KSR2: variants seen among roughly 807,000 people sequenced by gnomAD.
The protein encoded by KSR2 is kinase suppressor of ras 2.
A neutral mutation model predicts 107.8 loss-of-function variants in KSR2; 25 were observed. The ratio of observed to expected loss-of-function variants is 0.23; its 90% CI spans 0.17 to 0.32. The LOEUF is 0.32. KSR2 is among the 10% of genes least tolerant of loss of function. The pLI, the probability that KSR2 is intolerant of heterozygous loss-of-function variation, is 1.00. For synonymous variants in KSR2, 480 were observed against 507.0 expected (o/e 0.95, Z 0.71); for missense variants, 887 against 1,268.9 (o/e 0.70, Z 4.57).
At chr12:117,692,515 C>T (rs1387571341) in intron 4 of KSR2, among the ~76,000 whole-genome samples, 1 of 114,114 alleles carries the variant, frequency 8.8e-6, no homozygotes, top group African/African-American at 3.0e-5. Flanking sequence ...TACACACACA[C>T]ATATATATAC....
chr12:117,719,843 A>C (rs1887137245), intron 4 of KSR2, among the ~76,000 whole-genome samples: 1 of 152,240 alleles, frequency 6.6e-6, no homozygotes, highest in South Asian at 2.1e-4. Flanking sequence ...GTATGACTAT[A>C]TGAACAGAGT....
chr12:117,595,282 G>A (rs1360457508), intron 5 of KSR2, among the ~76,000 whole-genome samples: 1 of 150,656 alleles, frequency 6.6e-6, no homozygotes, highest in East Asian at 1.9e-4. Context: ...ATTCTCCTGG[G>A]TATAAACAAA....
At chr12:117,770,990 A>AAAC (rs1210445064) in intron 3 of KSR2, among the ~76,000 whole-genome samples, 3 of 151,948 alleles carry the variant, frequency 2.0e-5, no homozygotes, top group African/African-American at 7.2e-5. Context: ...AAAAAAAAAA[A>AAAC]AAAAAAGACA....
chr12:117,489,287 T>G (rs1217985956), intron 14 of KSR2, among the ~76,000 whole-genome samples: 1 of 152,076 alleles, frequency 6.6e-6, no homozygotes, highest in African/African-American at 2.4e-5. Flanking sequence ...GGCTGTTCTT[T>G]TATGATCTGG....
intron 1 of KSR2, among the ~76,000 whole-genome samples, chr12:117,919,761 C>A (rs1225535435): frequency 6.6e-6 from 1 of 152,220 alleles, no homozygotes; most frequent in Non-Finnish European, 1.5e-5. Flanking sequence ...CTCCCCATCG[C>A]CTTTCTCTGC....
At chr12:117,894,316 G>A (rs1339187463) in intron 1 of KSR2, among the ~76,000 whole-genome samples, 2 of 152,090 alleles carry the variant, frequency 1.3e-5, no homozygotes, top group Admixed American at 1.3e-4. Context: ...GTAAAATGTC[G>A]ATATTTTGTT....
At chr12:117,921,245 C>A (rs1895334330) in intron 1 of KSR2, among the ~76,000 whole-genome samples, 1 of 152,154 alleles carries the variant, frequency 6.6e-6, no homozygotes, top group South Asian at 2.1e-4. Flanking sequence ...GCCTCCATGG[C>A]AGGCACATTA....
At chr12:117,537,097 C>T (rs1171091151) in intron 10 of KSR2, among the ~76,000 whole-genome samples, 1 of 152,180 alleles carries the variant, frequency 6.6e-6, no homozygotes, top group African/African-American at 2.4e-5. Flanking sequence ...CCTGCAGTCC[C>T]AGCTACTCAG....
intron 4 of KSR2, among the ~76,000 whole-genome samples, chr12:117,702,032 C>T (rs1448755932): frequency 1.3e-5 from 2 of 152,228 alleles, no homozygotes; most frequent in African/African-American, 4.8e-5. Flanking sequence ...TTCCCACTTG[C>T]TCTTTCTCCT....
chr12:117,738,365 C>T (rs1888025240), intron 4 of KSR2, among the ~76,000 whole-genome samples: 1 of 152,198 alleles, frequency 6.6e-6, no homozygotes, highest in African/African-American at 2.4e-5. Flanking sequence ...GATTTCATTG[C>T]TGTGCAAAAC....
At chr12:117,767,938 G>A (rs544679192) in intron 3 of KSR2, among the ~76,000 whole-genome samples, 27 of 152,184 alleles carry the variant, frequency 1.8e-4, no homozygotes, top group Admixed American at 1.3e-3. Flanking sequence ...AGAGGGAGGT[G>A]GTCTCCTCCA....
chr12:117,778,369 G>A lies in KSR2; in HGVS notation c.473-16845C>T, dbSNP rs199794916. ...GCCTCTCATAGTGCTGGGATTACAG[G>A]AGTGAGCTACTGCACCCGGCCGAAA... On this transcript the variant is annotated intron_variant, in intron 3 of 19. Coordinates refer to ENST00000339824, the MANE Select transcript of KSR2 (RefSeq NM_173598.6). Among the ~76,000 whole-genome samples the A allele has an allele frequency of 2.6e-4, 40 of 152,286 alleles. No homozygotes were observed. In the East Asian group the frequency reaches 7.0e-3, roughly 27 times the overall value.
intron 5 of KSR2, among the ~76,000 whole-genome samples, chr12:117,608,815 G>A (rs2136311318): frequency 6.6e-6 from 1 of 152,172 alleles, no homozygotes; most frequent in Middle Eastern, 3.4e-3. Flanking sequence ...TGAGGCCTCT[G>A]CAGCAAAACA....
chr12:117,657,409 T>A (rs1884230993), intron 5 of KSR2, among the ~76,000 whole-genome samples: 5 of 152,114 alleles, frequency 3.3e-5, no homozygotes, highest in African/African-American at 9.7e-5. Flanking sequence ...TGTCAATAAA[T>A]TACCTTTATA....
In KSR2 at chr12:117,866,059, C is replaced by A. The variant is rs1030151250; in HGVS notation, c.181-5628G>T. Reference sequence around the variant, plus strand: ...CTCTCTTTTTTTTTTTTTTTTGAAACAAATTCTCACTCTGTCGCCCAGGAT... The same window carrying A: ...CTCTCTTTTTTTTTTTTTTTTGAAAAAAATTCTCACTCTGTCGCCCAGGAT... On this transcript the variant is annotated intron_variant, in intron 1 of 19. Coordinates refer to ENST00000339824, the MANE Select transcript of KSR2 (RefSeq NM_173598.6). Among the ~76,000 whole-genome samples, 611 of 84,216 alleles carry A rather than the reference C, an allele frequency of 7.3e-3. 6 individuals carry two copies. Among genetic ancestry groups the A allele is most frequent in the African/African-American group, 0.046 (552 of 11,958 alleles). 55.2% of individuals were successfully genotyped at this position (84,216 alleles called of 152,430 possible). A position where few individuals can be genotyped will look rare whatever the true frequency, so the allele number is the denominator to read the frequency against.
chr12:117,722,978 G>T (rs892834759), intron 4 of KSR2, among the ~76,000 whole-genome samples: 3 of 152,116 alleles, frequency 2.0e-5, no homozygotes, highest in Non-Finnish European at 4.4e-5. Context: ...AAAGCCTGAG[G>T]GCCAGTGGAT....
At chr12:117,781,933 T>A (rs984117040) in intron 3 of KSR2, among the ~76,000 whole-genome samples, 2 of 152,112 alleles carry the variant, frequency 1.3e-5, no homozygotes, top group Non-Finnish European at 2.9e-5. Flanking sequence ...CCGTTGAAAC[T>A]GATAAAAAAT....
chr12:117,594,123 A>ATATGATGT (rs756037181), intron 5 of KSR2, among the ~76,000 whole-genome samples: 2 of 152,190 alleles, frequency 1.3e-5, no homozygotes, highest in Non-Finnish European at 2.9e-5. Context: ...CCTGATGGAA[A>ATATGATGT]TATGATGTTT....
intron 1 of KSR2, among the ~76,000 whole-genome samples, chr12:117,934,830 A>G (rs182791757): frequency 3.3e-5 from 5 of 151,752 alleles, no homozygotes; most frequent in Non-Finnish European, 5.9e-5. Flanking sequence ...TATATTTTAA[A>G]TTTTTTTCTT....
Sources: gnomAD v4.1 joint callset for allele counts (sites outside exome capture counted in the v4.1 genomes callset) on GRCh38, gnomAD v4.1.1 for gene constraint, MANE v1.5 for transcripts, NCBI Gene and HGNC (gene_info 2026-07-23, HGNC 2026-07-21) for gene names.